The following EIF4G3 variants were observed in gnomAD, a reference collection of about 807,000 sequenced individuals.
EIF4G3 encodes eIF-4-gamma 3.
A neutral mutation model predicts 186.4 loss-of-function variants in EIF4G3; 34 were observed. The observed-to-expected ratio is 0.18, with a 90% CI of 0.14 to 0.24. EIF4G3 has a LOEUF of 0.24. EIF4G3 is among the 10% of genes least tolerant of loss of function. EIF4G3 has a pLI of 1.00. For missense variants in EIF4G3, 1,536 were observed against 1,948.5 expected (o/e 0.79, Z 3.99); for synonymous variants, 673 against 679.5 (o/e 0.99, Z 0.15).
chr1:21,117,158 G>C (rs1572806782), intron 2 of EIF4G3, among the ~76,000 whole-genome samples: 1 of 152,092 alleles, frequency 6.6e-6, no homozygotes, highest in Non-Finnish European at 1.5e-5. Flanking sequence ...ATCTTAAGGA[G>C]ATATGTCAAT....
At chr1:20,839,198 C>T (rs1426938183) in intron 30 of EIF4G3, among the ~76,000 whole-genome samples, 10 of 152,102 alleles carry the variant, frequency 6.6e-5, no homozygotes, top group African/African-American at 7.2e-5. Context: ...AGGATGGTCT[C>T]GATCTCCTGA....
intron 14 of EIF4G3, among the ~76,000 whole-genome samples, chr1:20,917,412 C>A (rs1354920512): frequency 6.6e-6 from 1 of 152,192 alleles, no homozygotes; most frequent in Admixed American, 6.5e-5. Context: ...GAGGCTGAGG[C>A]AGGAGGATGT....
chr1:20,939,235 A>G (rs1052055889), intron 14 of EIF4G3, among the ~76,000 whole-genome samples: 1 of 152,156 alleles, frequency 6.6e-6, no homozygotes, highest in African/African-American at 2.4e-5. Flanking sequence ...CCTTAAACAC[A>G]TAGGTTAAAA....
rs1317264284 is a variant in EIF4G3 at position 20,878,349 on chromosome 1, C to T, written c.2622+974G>A. ...AAAAGTTTTGTGACTCTCCCACCAA[C>T]ATAGTGTTTTCTTTTTCTTCCAACT... On this transcript the variant is annotated intron_variant, in intron 20 of 36. Transcript: ENST00000602326. 9.9e-5 allele frequency among the ~76,000 whole-genome samples: 15 copies of T among 152,190 alleles called. 1 individual carries two copies. Among genetic ancestry groups the T allele is most frequent in the Admixed American group, 9.8e-4 (15 of 15,274 alleles).
intron 33 of EIF4G3, among the ~76,000 whole-genome samples, chr1:20,819,750 G>T (rs2061857397): frequency 6.6e-6 from 1 of 152,060 alleles, no homozygotes; most frequent in Admixed American, 6.6e-5. Flanking sequence ...TTAATACCTG[G>T]GTGACAAAAT....
At chr1:20,979,812 G>A (rs1411335109) in intron 10 of EIF4G3, among the ~76,000 whole-genome samples, 2 of 150,588 alleles carry the variant, frequency 1.3e-5, no homozygotes, top group African/African-American at 2.4e-5. Flanking sequence ...GTGCAGTGGC[G>A]TGATCTCGGC....
intron 2 of EIF4G3, among the ~76,000 whole-genome samples, chr1:21,121,159 T>C (rs1252938160): frequency 6.6e-6 from 1 of 152,110 alleles, no homozygotes; most frequent in African/African-American, 2.4e-5. Context: ...TCTCCCAAAG[T>C]GCTGTGATTA....
intron 34 of EIF4G3, among the ~76,000 whole-genome samples, chr1:20,816,532 G>C (rs1224392435): frequency 1.4e-5 from 1 of 73,688 alleles, no homozygotes; most frequent in African/African-American, 5.2e-5. Flanking sequence ...GCCCTATCCA[G>C]GAGGTGAGGG....
At chr1:20,969,452 A>C in intron 12 of EIF4G3, 22 bp downstream of exon 12, 2 of 1,613,412 alleles carry the variant, frequency 1.2e-6, no homozygotes, top group African/African-American at 1.3e-5. Context: ...AGTGCCATCC[A>C]TTACAGCTCA....
intron 20 of EIF4G3, among the ~76,000 whole-genome samples, chr1:20,877,263 T>C (rs1298442343): frequency 6.6e-6 from 1 of 152,166 alleles, no homozygotes; most frequent in Non-Finnish European, 1.5e-5. Context: ...GCTACCACAA[T>C]GAAAATGAGA....
chr1:20,989,108 A>AGAGGAGAGC (rs2080376578), intron 7 of EIF4G3, among the ~76,000 whole-genome samples: 2 of 54,840 alleles, frequency 3.6e-5, no homozygotes, highest in African/African-American at 6.6e-5. Flanking sequence ...GAGAGGAGAG[A>AGAGGAGAGC]TTTGTGATTC....
At chr1:21,033,662 A>G (rs1290644089) in intron 4 of EIF4G3, among the ~76,000 whole-genome samples, 2 of 152,230 alleles carry the variant, frequency 1.3e-5, no homozygotes, top group African/African-American at 4.8e-5. Context: ...TTTTGAAAAC[A>G]TACTTCACTT....
intron 24 of EIF4G3, among the ~76,000 whole-genome samples, 184 bp from the exon 25 acceptor site, chr1:20,857,681 C>A (rs1244120801): frequency 1.3e-5 from 2 of 152,254 alleles, no homozygotes; most frequent in Middle Eastern, 3.4e-3. Context: ...AGCAGAAGCA[C>A]CCTGTATCAG....
chr1:20,925,530 A>G (rs1234189189), intron 14 of EIF4G3, among the ~76,000 whole-genome samples: 3 of 152,108 alleles, frequency 2.0e-5, no homozygotes, highest in Non-Finnish European at 4.4e-5. Flanking sequence ...AATGACTTCT[A>G]TTTTTATTTC....
intron 20 of EIF4G3, among the ~76,000 whole-genome samples, chr1:20,874,870 T>G (rs776641738): frequency 1.3e-5 from 2 of 152,206 alleles, no homozygotes; most frequent in Non-Finnish European, 2.9e-5. Context: ...ATGTTTGATG[T>G]GTGTAGTAGG....
At chr1:20,860,749 A>G (rs1363705846) in intron 23 of EIF4G3, among the ~76,000 whole-genome samples, 2 of 152,212 alleles carry the variant, frequency 1.3e-5, no homozygotes, top group Non-Finnish European at 2.9e-5. Context: ...CCAATAGCCA[A>G]TGGATACAAA....
chr1:20,863,108 T>C (rs2076713981), intron 22 of EIF4G3, among the ~76,000 whole-genome samples: 2 of 151,900 alleles, frequency 1.3e-5, no homozygotes, highest in Non-Finnish European at 2.9e-5. Context: ...AATTTTTAGT[T>C]GTTCATATGA....
In EIF4G3 at chr1:21,057,817, G is replaced by A. The variant is rs149085942; in HGVS notation, c.-195-6823C>T. Among the ~76,000 whole-genome samples the A allele has an allele frequency of 5.3e-5, 8 of 152,244 alleles. No individual in the cohort carries two copies. In the East Asian group the frequency reaches 1.2e-3, roughly 22 times the overall value. On this transcript the variant is annotated intron_variant, in intron 3 of 36. Transcript: ENST00000602326. ...AGAAAATTTAAAAAGAAATACTGCT[G>A]CAAGAAAGAAAAGCTCTAAAATTTT...
chr1:21,125,592 G>A (rs1018144982), intron 2 of EIF4G3, among the ~76,000 whole-genome samples: 8 of 151,930 alleles, frequency 5.3e-5, no homozygotes, highest in Non-Finnish European at 8.8e-5. Context: ...GGTGGCGGGT[G>A]CCTGTAATCC....
Sources: gnomAD v4.1 joint callset for allele counts (sites outside exome capture counted in the v4.1 genomes callset) on GRCh38, gnomAD v4.1.1 for gene constraint, MANE v1.5 for transcripts, NCBI Gene and HGNC (gene_info 2026-07-23, HGNC 2026-07-21) for gene names.